Variants in STOX1 observed in about 807,000 individuals in gnomAD.
STOX1 encodes the protein storkhead box 1.
Under a neutral mutation model 74.8 loss-of-function variants are expected in STOX1, and 57 were observed. The ratio of observed to expected loss-of-function variants is 0.76; its 90% CI spans 0.62 to 0.95. The LOEUF (loss-of-function observed/expected upper bound fraction) is 0.95, where lower values mean the gene tolerates loss of function less well. Among genes scored for constraint, STOX1 ranks in the 40% least tolerant of loss-of-function variants. The pLI is 0.00. For missense variants in STOX1, 1,010 were observed against 1,117.0 expected, an observed-to-expected ratio of 0.90 and a Z score of 1.37; for synonymous variants, 375 against 401.3, an observed-to-expected ratio of 0.93 and a Z score of 0.78.
At chr10:68,884,217 TTTC>T in intron 2 of STOX1, 40 bp from the exon 3 acceptor site, 1 of 1,579,766 alleles carries the variant, frequency 6.3e-7, no homozygotes, top group Non-Finnish European at 8.7e-7. Flanking sequence ...CATTAAAATT[TTTC>T]TTATTCAAAA....
intron 1 of STOX1, among the ~76,000 whole-genome samples, chr10:68,872,297 A>G (rs1274230055): frequency 6.6e-6 from 1 of 151,978 alleles, no homozygotes; most frequent in Non-Finnish European, 1.5e-5. Context: ...CGTGTTCTAA[A>G]TATAAAATAA....
intron 1 of STOX1, among the ~76,000 whole-genome samples, chr10:68,830,234 G>GACCCC (rs1296180694): frequency 2.0e-5 from 3 of 152,202 alleles, no homozygotes; most frequent in Admixed American, 6.5e-5. Context: ...TGGACACTAT[G>GACCCC]ACCCCATCTG....
At chr10:68,854,410 C>T (rs1275324060) in intron 1 of STOX1, among the ~76,000 whole-genome samples, 1 of 151,818 alleles carries the variant, frequency 6.6e-6, no homozygotes, top group Non-Finnish European at 1.5e-5. Flanking sequence ...GATCCTCCCA[C>T]CTCAGCCTCC....
Position 68,872,471 on chromosome 10 carries a change from G to C in STOX1, c.311-9487G>C, listed in dbSNP as rs1191565584. 2.0e-5 allele frequency among the ~76,000 whole-genome samples: 3 copies of C among 150,230 alleles called. No homozygotes were observed. The East Asian group carries it at 5.9e-4, about 30-fold the overall frequency. ...AGTGATTCTCCTGCTTCAGCCTCCA[G>C]TGTGGCTGGGATCACAGGCACCCAC... On this transcript the variant is annotated intron_variant, in intron 1 of 3. Coordinates refer to ENST00000298596, the MANE Select transcript of STOX1 (RefSeq NM_152709.5).
At chr10:68,843,714 C>T (rs1839754532) in intron 1 of STOX1, among the ~76,000 whole-genome samples, 2 of 152,046 alleles carry the variant, frequency 1.3e-5, no homozygotes, top group Admixed American at 6.6e-5. Context: ...CCCATCATCA[C>T]GCCCAGCTAA....
At chr10:68,846,237 C>T (rs1224049818) in intron 1 of STOX1, among the ~76,000 whole-genome samples, 1 of 151,774 alleles carries the variant, frequency 6.6e-6, no homozygotes, top group African/African-American at 2.4e-5. Context: ...ACCTCTGCCT[C>T]CTGGGTTCAA....
chr10:68,867,378 A>G (rs935967231), intron 1 of STOX1, among the ~76,000 whole-genome samples: 4 of 152,146 alleles, frequency 2.6e-5, no homozygotes, highest in African/African-American at 9.7e-5. Context: ...TCTGGGGGGT[A>G]TATCCTAACA....
chr10:68,862,342 G>T (rs1840284616), intron 1 of STOX1, among the ~76,000 whole-genome samples: 1 of 151,978 alleles, frequency 6.6e-6, no homozygotes. Context: ...AGAATGATTA[G>T]TATTAGAGGT....
chr10:68,872,441 G>C (rs1194804689), intron 1 of STOX1, among the ~76,000 whole-genome samples: 1 of 148,770 alleles, frequency 6.7e-6, no homozygotes. Context: ...CACCTCCTGG[G>C]TTCAAGTGAT....
intron 2 of STOX1, among the ~76,000 whole-genome samples, chr10:68,883,563 G>A (rs546380073): frequency 5.9e-5 from 9 of 151,858 alleles, no homozygotes; most frequent in East Asian, 1.9e-4. Context: ...ACAGACACCC[G>A]CCACCATGCC....
In STOX1 at chr10:68,833,646, T is replaced by C. The variant is rs73266427; in HGVS notation, c.310+5713T>C. ...ATGCCTTTCCATACAATGTCGGGAATCTGTAGATAACATAACCAGTTAGGT... is the reference window on the plus strand; with the variant it reads ...ATGCCTTTCCATACAATGTCGGGAACCTGTAGATAACATAACCAGTTAGGT... On this transcript the variant is annotated intron_variant, in intron 1 of 3. Transcript: ENST00000298596. 8.4e-3 allele frequency among the ~76,000 whole-genome samples: 1,273 copies of C among 152,220 alleles called. 19 individuals carry two copies. The highest frequency in any genetic ancestry group is 0.028 in the African/African-American group (1,183 of 41,552).
intron 1 of STOX1, among the ~76,000 whole-genome samples, chr10:68,857,362 G>A (rs976969766): frequency 6.6e-6 from 1 of 152,030 alleles, no homozygotes; most frequent in African/African-American, 2.4e-5. Flanking sequence ...AAGCATCTTT[G>A]CTGCCTGGAG....
At chr10:68,879,153 C>T (rs906155967) in intron 1 of STOX1, among the ~76,000 whole-genome samples, 6 of 152,118 alleles carry the variant, frequency 3.9e-5, no homozygotes, top group Non-Finnish European at 8.8e-5. Flanking sequence ...AAATGCCACC[C>T]CTCTGCCAAA....
rs187644047 is a variant in STOX1, at chr10:68,868,029, G to C, written c.311-13929G>C. 4.7e-4 allele frequency among the ~76,000 whole-genome samples: 72 copies of C among 152,350 alleles called. 1 individual carries two copies. In the East Asian group the frequency reaches 0.012, roughly 25 times the overall value. On this transcript the variant is annotated intron_variant, in intron 1 of 3. Transcript: ENST00000298596. ...TTTATTCACCACGGGGATTGCTTAA[G>C]AGTACTCGGGTGTCCTCCAGTGTAG...
At chr10:68,869,563 G>T (rs577651810) in intron 1 of STOX1, among the ~76,000 whole-genome samples, 1 of 152,088 alleles carries the variant, frequency 6.6e-6, no homozygotes, top group African/African-American at 2.4e-5. Context: ...TGTAGGTGGG[G>T]GATACAGGGA....
rs867011904 is a variant in STOX1 at position 68,885,201 on chromosome 10, G to A, written c.1405G>A (p.Glu469Lys). ...QPIPRIKSPN[E>K]MVGQKPLGEI... ...CATCCCCAGAATTAAAAGCCCAAAT[G>A]AAATGGTAGGTCAGAAACCACTTGG... The change falls in exon 3 of 4, where the codon GAA (glutamate) becomes AAA (lysine). Residue 469 changes from glutamate (E) to lysine (K), a missense_variant. By Grantham distance (56) the Glu-to-Lys change is moderately conservative. Transcript: ENST00000298596. 1 of 1,614,150 alleles carries A rather than the reference G, an allele frequency of 6.2e-7. No individual in the cohort carries two copies. The highest frequency in any genetic ancestry group is 8.5e-7 in the Non-Finnish European group (1 of 1,180,030).
chr10:68,865,514 C>T (rs7097641), intron 1 of STOX1, among the ~76,000 whole-genome samples: 4,065 of 152,148 alleles, frequency 0.027, 186 homozygotes, highest in African/African-American at 0.092. Flanking sequence ...CCAGGCGTGG[C>T]AGTGGGCACC....
chr10:68,873,560 C>CTTTT (rs5785876), intron 1 of STOX1, among the ~76,000 whole-genome samples: 2 of 102,176 alleles, frequency 2.0e-5, no homozygotes, highest in Admixed American at 1.1e-4. Context: ...CGCGCCTGGC[C>CTTTT]TTTTTTTTTT....
Position 68,886,093 on chromosome 10 carries a change from G to A in STOX1, c.2297G>A (p.Gly766Glu). 1.2e-6 allele frequency: 2 copies of A among 1,614,172 alleles called. No homozygotes were observed. Among genetic ancestry groups the A allele is most frequent in the South Asian group, 2.2e-5 (2 of 91,086 alleles). ...TATTCCTTCACAGGTGGAAGCCAGG[G>A]AAATCATTTAGGAAAACAAAAAGTG... is the stretch of plus-strand genomic sequence containing the variant. ...SQYSFTGGSQ[G>E]NHLGKQKVIE... is the part of the protein sequence containing the mutation. Residue 766 changes from glycine to glutamate, a missense_variant, in exon 3 of 4, where the codon GGA (glycine) becomes GAA (glutamate). By Grantham distance (98) the Gly-to-Glu change is moderately conservative. Coordinates refer to ENST00000298596, the MANE Select transcript of STOX1 (RefSeq NM_152709.5).
Sources: gnomAD v4.1 joint callset for allele counts (sites outside exome capture counted in the v4.1 genomes callset) on GRCh38, gnomAD v4.1.1 for gene constraint, MANE v1.5 for transcripts, NCBI Gene and HGNC (gene_info 2026-07-23, HGNC 2026-07-21) for gene names.